ARHGEF3: variants seen among roughly 807,000 people sequenced by gnomAD.
ARHGEF3 encodes 59.8 kDA protein.
ARHGEF3 carries 28 observed loss-of-function variants against 63.2 expected under a neutral mutation model. The observed-to-expected ratio is 0.44, with a 90% CI of 0.33 to 0.61. The LOEUF (loss-of-function observed/expected upper bound fraction) is 0.61, where lower values mean the gene tolerates loss of function less well. Among genes scored for constraint, ARHGEF3 ranks in the 20% least tolerant of loss-of-function variants. ARHGEF3 has a pLI of 0.03. For synonymous variants in ARHGEF3, 266 were observed against 254.2 expected (o/e 1.05, Z -0.44); for missense variants, 533 against 659.3 (o/e 0.81, Z 2.10).
At chr3:56,989,884 C>T (rs1701684052) in intron 2 of ARHGEF3, among the ~76,000 whole-genome samples, 1 of 152,250 alleles carries the variant, frequency 6.6e-6, no homozygotes, top group African/African-American at 2.4e-5. Context: ...CTTTCCTCCT[C>T]TGGAACAATA....
At chr3:57,028,682 T>A (rs1184199856) in intron 2 of ARHGEF3, among the ~76,000 whole-genome samples, 3 of 140,584 alleles carry the variant, frequency 2.1e-5, no homozygotes, top group African/African-American at 7.9e-5. Flanking sequence ...CCCTAAAACT[T>A]AAAGTATAAT....
chr3:57,036,079 A>G (rs1352607445), intron 1 of ARHGEF3, among the ~76,000 whole-genome samples: 1 of 152,150 alleles, frequency 6.6e-6, no homozygotes, highest in Non-Finnish European at 1.5e-5. Flanking sequence ...GAGACAGGTG[A>G]GGCCAAACTC....
At position 56,826,885 on chromosome 3, in the gene ARHGEF3, A is replaced by G. The variant is rs2038732642; in HGVS notation, c.193-53069T>C. On this transcript the variant is annotated intron_variant, in intron 4 of 12. Coordinates refer to the ARHGEF3 transcript ENST00000338458. ...TTCTTCATATGCCAACTCTGACCAC[A>G]TTTGGATAGGATAATTTTATTTGAG... is the stretch of plus-strand genomic sequence containing the variant. 2.0e-5 allele frequency among the ~76,000 whole-genome samples: 3 copies of G among 152,204 alleles called. No homozygotes were observed. In the South Asian group the frequency reaches 6.2e-4, roughly 31 times the overall value.
intron 2 of ARHGEF3, among the ~76,000 whole-genome samples, chr3:56,762,739 T>C (rs577551387): frequency 2.0e-5 from 3 of 152,268 alleles, no homozygotes; most frequent in African/African-American, 7.2e-5. Flanking sequence ...TTATCAGGGA[T>C]TGGAGGTTGG....
chr3:57,017,198 A>G (rs550655172), intron 2 of ARHGEF3, among the ~76,000 whole-genome samples: 2 of 152,136 alleles, frequency 1.3e-5, no homozygotes, highest in Non-Finnish European at 2.9e-5. Context: ...AAATCCAGGG[A>G]AAGTCTGCAT....
chr3:56,898,434 C>T (rs59878257), intron 3 of ARHGEF3: 3,485 of 154,716 alleles, frequency 0.023, 136 homozygotes, highest in African/African-American at 0.078. Context: ...GTCTCGAACT[C>T]CTGACCTCAG....
At chr3:57,050,630 G>A (rs1178516680) in intron 1 of ARHGEF3, among the ~76,000 whole-genome samples, 1 of 152,214 alleles carries the variant, frequency 6.6e-6, no homozygotes, top group East Asian at 1.9e-4. Context: ...CAGACAGGCT[G>A]GGGCCAGAGT....
intron 1 of ARHGEF3, chr3:57,074,262 C>T (rs778398888): frequency 1.2e-6 from 2 of 1,607,166 alleles, no homozygotes; most frequent in Non-Finnish European, 1.7e-6. Context: ...ACACACACAT[C>T]TGTAATCAAT....
intron 4 of ARHGEF3, among the ~76,000 whole-genome samples, chr3:56,851,466 T>A (rs1401560285): frequency 6.6e-6 from 1 of 152,212 alleles, no homozygotes; most frequent in Non-Finnish European, 1.5e-5. Flanking sequence ...TTTCTTACAG[T>A]TCCGTAGGCT....
intron 4 of ARHGEF3, among the ~76,000 whole-genome samples, chr3:56,837,736 C>A (rs2039163461): frequency 6.6e-6 from 1 of 152,154 alleles, no homozygotes; most frequent in Non-Finnish European, 1.5e-5. Flanking sequence ...CAATAAGTTA[C>A]CTGAAAATGC....
At chr3:56,961,371 A>T (rs1328589230) in intron 2 of ARHGEF3, among the ~76,000 whole-genome samples, 1 of 152,176 alleles carries the variant, frequency 6.6e-6, no homozygotes, top group East Asian at 1.9e-4. Flanking sequence ...GAAGTCACAC[A>T]GCTATTTGGT....
At chr3:56,817,798 C>A (rs1461626340) in intron 4 of ARHGEF3, among the ~76,000 whole-genome samples, 2 of 152,174 alleles carry the variant, frequency 1.3e-5, no homozygotes, top group Non-Finnish European at 2.9e-5. Context: ...ATGGTCTTAA[C>A]CACAAAGCTA....
At chr3:56,872,605 G>A (rs1158195253) in intron 4 of ARHGEF3, among the ~76,000 whole-genome samples, 1 of 151,426 alleles carries the variant, frequency 6.6e-6, no homozygotes, top group East Asian at 1.9e-4. Context: ...CCACTCCCTG[G>A]TTCAAGCGAC....
chr3:56,883,115 G>T (rs558048146), intron 3 of ARHGEF3, among the ~76,000 whole-genome samples: 1 of 152,028 alleles, frequency 6.6e-6, no homozygotes, highest in Non-Finnish European at 1.5e-5. Flanking sequence ...CTTATCCAGG[G>T]TCCTAATGTA....
intron 8 of ARHGEF3, among the ~76,000 whole-genome samples, chr3:56,733,615 AG>A (rs1392068319): frequency 6.6e-6 from 1 of 152,178 alleles, no homozygotes. Context: ...AGTCATTATC[AG>A]CTTTATTCAG....
At chr3:56,813,311 G>A (rs2038140884) in intron 4 of ARHGEF3, among the ~76,000 whole-genome samples, 1 of 152,186 alleles carries the variant, frequency 6.6e-6, no homozygotes, top group Non-Finnish European at 1.5e-5. Flanking sequence ...GGGAGGAGGA[G>A]AATTTGATCT....
At chr3:57,065,314 A>T (rs1705465908) in intron 1 of ARHGEF3, among the ~76,000 whole-genome samples, 1 of 152,168 alleles carries the variant, frequency 6.6e-6, no homozygotes, top group African/African-American at 2.4e-5. Context: ...ATACAAAATT[A>T]GCCGGGTGTG....
chr3:56,936,861 A>T (rs1445491988), intron 3 of ARHGEF3, among the ~76,000 whole-genome samples: 2 of 152,248 alleles, frequency 1.3e-5, no homozygotes, highest in East Asian at 1.9e-4. Flanking sequence ...CTGAGACTAC[A>T]GGCATGCACC....
intron 1 of ARHGEF3, among the ~76,000 whole-genome samples, chr3:57,066,365 G>A (rs112496708): frequency 2.8e-3 from 430 of 151,798 alleles, no homozygotes; most frequent in African/African-American, 1.0e-2. Context: ...AGGTTCAAGC[G>A]ATTCACCTGC....
Sources: gnomAD v4.1 joint callset for allele counts (sites outside exome capture counted in the v4.1 genomes callset) on GRCh38, gnomAD v4.1.1 for gene constraint, MANE v1.5 for transcripts, NCBI Gene and HGNC (gene_info 2026-07-23, HGNC 2026-07-21) for gene names.